The following CHP1 variants were observed in gnomAD, a reference collection of about 807,000 sequenced individuals.
The protein encoded by CHP1 is calcineurin B homologous protein 1.
In CHP1, 11 loss-of-function variants were observed where a neutral mutation model predicts 27.4. That is an observed-to-expected ratio of 0.40 (90% confidence interval 0.25 to 0.67). CHP1 has a LOEUF of 0.67. CHP1 is among the 30% of genes least tolerant of loss of function. The pLI, the probability that CHP1 is intolerant of heterozygous loss-of-function variation, is 0.38. For missense variants in CHP1, 169 were observed against 251.3 expected, an observed-to-expected ratio of 0.67 and a Z score of 2.22; for synonymous variants, 89 against 87.4, an observed-to-expected ratio of 1.02 and a Z score of -0.10.
chr15:41,273,311 A>C (rs2047500831), intron 5 of CHP1, among the ~76,000 whole-genome samples: 1 of 152,282 alleles, frequency 6.6e-6, no homozygotes, highest in Middle Eastern at 3.4e-3. Context: ...AAGAAGAAAA[A>C]CTGAGTGGTC....
intron 1 of CHP1, among the ~76,000 whole-genome samples, chr15:41,233,501 G>A (rs186942105): frequency 1.3e-5 from 2 of 152,312 alleles, no homozygotes; most frequent in African/African-American, 4.8e-5. Flanking sequence ...TGAGTCACTT[G>A]TGAGGGAGAT....
chr15:41,270,652 G>T lies in CHP1; in HGVS notation c.411+34G>T, dbSNP rs773986551. ...AGAGCTCCTCGAGAACTTGTGCTTG[G>T]ACTCTGCCTGCTTATTAGTGTGGGC... On this transcript the variant is annotated intron_variant, in intron 5 of 6. Coordinates refer to ENST00000334660, the MANE Select transcript of CHP1 (RefSeq NM_007236.5). 2.0e-6 allele frequency: 3 copies of T among 1,523,094 alleles called. No homozygotes were observed. In the East Asian group the frequency reaches 6.7e-5, roughly 34 times the overall value. The allele number at this position is 1,523,094 out of a possible 1,614,324, so 94.3% of individuals were successfully genotyped here.
At chr15:41,259,395 G>A (rs191000346) in intron 3 of CHP1, among the ~76,000 whole-genome samples, 2 of 152,274 alleles carry the variant, frequency 1.3e-5, no homozygotes, top group Admixed American at 6.5e-5. Context: ...TGCATATGAG[G>A]AAGTGGAGGG....
intron 2 of CHP1, among the ~76,000 whole-genome samples, chr15:41,254,433 G>A (rs6492998): frequency 0.65 from 98,715 of 152,196 alleles, 34,407 homozygotes; most frequent in African/African-American, 0.9. Flanking sequence ...CTGTCAGACA[G>A]GAGGAGCTAC....
intron 2 of CHP1, among the ~76,000 whole-genome samples, chr15:41,247,571 C>G (rs2047341787): frequency 1.3e-5 from 2 of 151,126 alleles, no homozygotes; most frequent in Admixed American, 6.6e-5. Context: ...ACTTGGGAGG[C>G]TGAGGCAGGA....
At chr15:41,232,096 C>A (rs2047249529) in intron 1 of CHP1, among the ~76,000 whole-genome samples, 3 of 152,064 alleles carry the variant, frequency 2.0e-5, no homozygotes, top group Admixed American at 2.0e-4. Context: ...ACGATACTTG[C>A]TGTCCTAATC....
At chr15:41,270,854 C>T (rs2047485043) in intron 5 of CHP1, among the ~76,000 whole-genome samples, 2 of 152,218 alleles carry the variant, frequency 1.3e-5, no homozygotes, top group African/African-American at 2.4e-5. Flanking sequence ...TGGCTCACGC[C>T]TGTAATCCCA....
chr15:41,257,109 T>G, intron 3 of CHP1, 119 bp downstream of exon 3: 1 of 695,966 alleles, frequency 1.4e-6, no homozygotes, highest in Non-Finnish European at 2.4e-6. Context: ...CTGATTATAT[T>G]GAGCAATTCT....
At chr15:41,260,170 GT>G (rs79684786) in intron 3 of CHP1, among the ~76,000 whole-genome samples, 181 of 141,578 alleles carry the variant, frequency 1.3e-3, no homozygotes, top group Admixed American at 1.5e-3. Context: ...AAAGGCTGGG[GT>G]TTTTTTTTTT....
intron 2 of CHP1, among the ~76,000 whole-genome samples, chr15:41,244,838 C>T (rs928817236): frequency 1.3e-5 from 2 of 152,118 alleles, no homozygotes; most frequent in African/African-American, 2.4e-5. Context: ...CAGTAGCAAC[C>T]TTTCTTATGC....
At chr15:41,267,644 A>C (rs2047468006) in intron 4 of CHP1, among the ~76,000 whole-genome samples, 1 of 151,798 alleles carries the variant, frequency 6.6e-6, no homozygotes, top group East Asian at 1.9e-4. Flanking sequence ...CCTGGGTGAC[A>C]GAGCAAGACT....
chr15:41,238,131 G>A (rs894822742), intron 1 of CHP1, among the ~76,000 whole-genome samples: 2 of 151,860 alleles, frequency 1.3e-5, no homozygotes, highest in Non-Finnish European at 2.9e-5. Flanking sequence ...TTTCAGCAAC[G>A]TTAACAGGGT....
chr15:41,246,649 T>TG (rs2047336273), intron 2 of CHP1, among the ~76,000 whole-genome samples: 1 of 145,232 alleles, frequency 6.9e-6, no homozygotes, highest in Non-Finnish European at 1.5e-5. Flanking sequence ...TTTTTTTTTT[T>TG]TGAGAGAGAG....
At chr15:41,243,353 T>C (rs2047316932) in intron 1 of CHP1, among the ~76,000 whole-genome samples, 2 of 152,074 alleles carry the variant, frequency 1.3e-5, no homozygotes, top group South Asian at 2.1e-4. Context: ...TAAAATAGGA[T>C]GGGATAGGAT....
intron 2 of CHP1, among the ~76,000 whole-genome samples, chr15:41,251,180 AGTG>A (rs1271665774): frequency 6.6e-6 from 1 of 152,074 alleles, no homozygotes; most frequent in East Asian, 1.9e-4. Flanking sequence ...CATACAGAAA[AGTG>A]CACAAATCAA....
chr15:41,274,180 T>G (rs1046823554), intron 5 of CHP1, among the ~76,000 whole-genome samples: 1 of 151,960 alleles, frequency 6.6e-6, no homozygotes, highest in African/African-American at 2.4e-5. Context: ...AGGCTGGTCT[T>G]GAACTCCTGA....
At chr15:41,275,114 A>T (rs1368232924) in intron 5 of CHP1, among the ~76,000 whole-genome samples, 1 of 151,332 alleles carries the variant, frequency 6.6e-6, no homozygotes, top group Non-Finnish European at 1.5e-5. Context: ...TAATTCTTCT[A>T]TTGGGGTACA....
At position 41,231,361 on chromosome 15, in the gene CHP1, C is replaced by T. The variant is rs548660281; in HGVS notation, c.-22C>T. ...CCGTCTCTTCTGGCGCCGCTGCTCC[C>T]GGAGGAGCTCCCGGCACGGCGATGG... On this transcript the variant is annotated 5_prime_UTR_variant, in exon 1 of 7. Coordinates refer to ENST00000334660, the MANE Select transcript of CHP1 (RefSeq NM_007236.5). 4.9e-4 allele frequency: 774 copies of T among 1,588,006 alleles called. 9 individuals are homozygous for T. In the South Asian group the frequency reaches 8.5e-3, roughly 17 times the overall value.
Position 41,280,313 on chromosome 15 carries a change from T to C in CHP1, c.*924T>C, listed in dbSNP as rs1328987382. ...ACACCGTTACCACCAGAATGGCTGC[T>C]CTGACAATATGCCTAGGGACTTTCT... On this transcript the variant is annotated 3_prime_UTR_variant, in exon 7 of 7. Transcript: ENST00000334660. 6.6e-6 allele frequency: 1 copy of C among 152,610 alleles called. No homozygotes were observed. The highest frequency in any genetic ancestry group is 2.4e-5 in the African/African-American group (1 of 41,428). 9.5% of individuals were successfully genotyped at this position (152,610 alleles called of 1,614,324 possible). A position where few individuals can be genotyped will look rare whatever the true frequency, so the allele number is the denominator to read the frequency against.
Sources: gnomAD v4.1 joint callset for allele counts (sites outside exome capture counted in the v4.1 genomes callset) on GRCh38, gnomAD v4.1.1 for gene constraint, MANE v1.5 for transcripts, NCBI Gene and HGNC (gene_info 2026-07-23, HGNC 2026-07-21) for gene names.